Variants in FUBP3 observed in about 807,000 individuals in gnomAD.
FUBP3 encodes the protein far upstream element binding protein 3, also known as far upstream element-binding protein 3.
A neutral mutation model predicts 85.6 loss-of-function variants in FUBP3; 28 were observed. That is an observed-to-expected ratio of 0.33 (90% CI 0.24 to 0.45). The LOEUF (loss-of-function observed/expected upper bound fraction) is 0.45. FUBP3 is among the 20% of genes least tolerant of loss of function. FUBP3 has a pLI of 1.00. For synonymous variants in FUBP3, 271 were observed against 271.4 expected, an observed-to-expected ratio of 1.00 and a Z score of 0.01; for missense variants, 583 against 755.1, an observed-to-expected ratio of 0.77 and a Z score of 2.67.
chr9:130,619,047 C>T (rs768226683), intron 8 of FUBP3, among the ~76,000 whole-genome samples: 47 of 152,192 alleles, frequency 3.1e-4, no homozygotes, highest in Admixed American at 1.9e-3. Flanking sequence ...CGCCTTTCCC[C>T]ACCCTGCTCA....
intron 3 of FUBP3, among the ~76,000 whole-genome samples, chr9:130,610,243 AC>A (rs1831670825): frequency 6.6e-6 from 1 of 152,224 alleles, no homozygotes; most frequent in South Asian, 2.1e-4. Flanking sequence ...TGCTCTTTCT[AC>A]CAATGTACAT....
intron 2 of FUBP3, among the ~76,000 whole-genome samples, chr9:130,604,399 A>G (rs754618844): frequency 2.0e-5 from 3 of 152,332 alleles, no homozygotes; most frequent in South Asian, 2.1e-4. Context: ...CTCATGTGCC[A>G]TAATAGTATA....
At chr9:130,606,755 G>C (rs1831475349) in intron 2 of FUBP3, among the ~76,000 whole-genome samples, 1 of 152,128 alleles carries the variant, frequency 6.6e-6, no homozygotes, top group Non-Finnish European at 1.5e-5. Context: ...AGGAGGCAGA[G>C]GTTGTGGTAA....
intron 2 of FUBP3, among the ~76,000 whole-genome samples, chr9:130,606,429 G>T (rs977741961): frequency 6.6e-6 from 1 of 152,318 alleles, no homozygotes; most frequent in East Asian, 1.9e-4. Context: ...CTGGCCAGTG[G>T]TTCCGTGTGG....
intron 9 of FUBP3, among the ~76,000 whole-genome samples, chr9:130,621,761 C>T (rs868358749): frequency 2.7e-4 from 41 of 151,580 alleles, no homozygotes; most frequent in African/African-American, 8.5e-4. Context: ...AAAAATTAGC[C>T]GGGTGTGGTG....
At chr9:130,627,562 C>G (rs911660003) in intron 12 of FUBP3, among the ~76,000 whole-genome samples, 1 of 152,236 alleles carries the variant, frequency 6.6e-6, no homozygotes, top group Non-Finnish European at 1.5e-5. Context: ...TATGCTCTTG[C>G]AAAATGCAAG....
chr9:130,632,599 T>C (rs1040947856), intron 16 of FUBP3, among the ~76,000 whole-genome samples: 1 of 152,228 alleles, frequency 6.6e-6, no homozygotes, highest in Non-Finnish European at 1.5e-5. Context: ...GGGGATGGGT[T>C]GAGCCAGCTT....
intron 1 of FUBP3, among the ~76,000 whole-genome samples, chr9:130,588,046 A>G (rs757897235): frequency 1.3e-5 from 2 of 152,150 alleles, no homozygotes; most frequent in Non-Finnish European, 2.9e-5. Context: ...CCGGGGCCCC[A>G]TCTCTGATGA....
intron 2 of FUBP3, among the ~76,000 whole-genome samples, chr9:130,604,329 G>T (rs2119051538): frequency 6.6e-6 from 1 of 152,292 alleles, no homozygotes; most frequent in Admixed American, 6.5e-5. Flanking sequence ...TAAGTGGTTT[G>T]ACCAAGGCCA....
chr9:130,616,328 C>T lies in FUBP3; in HGVS notation c.405-27C>T. 1.2e-6 allele frequency: 2 copies of T among 1,612,274 alleles called. No individual in the cohort carries two copies. Among genetic ancestry groups the T allele is most frequent in the South Asian group, 2.2e-5 (2 of 91,000 alleles). On this transcript the variant is annotated intron_variant, in intron 6 of 18. Coordinates refer to ENST00000319725, the MANE Select transcript of FUBP3 (RefSeq NM_003934.2). This position sits in a 1 kb window ranked among gnomAD's most constrained non-coding sequence, Gnocchi z 4.7. The stretch of plus-strand genomic sequence containing the variant: ...TTAGAGCCTCCATTTAATGCTGGTT[C>T]TCTTGTGGTTCTTTTCCCTCCCAAA...
chr9:130,635,827 C>A lies in FUBP3; in HGVS notation c.1583-172C>A, dbSNP rs1035130614. The A allele has an allele frequency of 2.3e-5, 15 of 642,404 alleles. No individual in the cohort carries two copies. The Admixed American group carries it at 2.9e-4, about 12-fold the overall frequency. The allele number at this position is 642,404 out of a possible 1,614,324, so 39.8% of individuals were successfully genotyped here. A position where few individuals can be genotyped will look rare whatever the true frequency, so the allele number is the denominator to read the frequency against. The stretch of plus-strand genomic sequence containing the variant: ...CAGGGGCCGGGCAACAAGAGGCTAA[C>A]AGCACCTTTTGTAGCAAGCGCTCCT... On this transcript the variant is annotated intron_variant, in intron 17 of 18. Transcript: ENST00000319725. The surrounding 1 kb of genome is among the most constrained non-coding windows in gnomAD (Gnocchi z 4.3).
chr9:130,591,472 A>G (rs1830623248), intron 1 of FUBP3, among the ~76,000 whole-genome samples: 1 of 151,336 alleles, frequency 6.6e-6, no homozygotes, highest in Non-Finnish European at 1.5e-5. Context: ...CACGCATTAC[A>G]GTTTAATTCT....
chr9:130,632,003 C>G lies in FUBP3; in HGVS notation c.1414C>G (p.Pro472Ala). 1 of 1,611,960 alleles carries G rather than the reference C, an allele frequency of 6.2e-7. No individual in the cohort carries two copies. Among genetic ancestry groups the G allele is most frequent in the East Asian group, 2.2e-5 (1 of 44,894 alleles). The change falls in exon 15 of 19, where the codon CCC (proline) becomes GCC (alanine). Residue 472 changes from proline to alanine, a missense_variant. Around this residue, in one of 3 missense-constraint regions of FUBP3, gnomAD observed 404 missense variants for 516.8 expected, o/e 0.78. Coordinates refer to ENST00000319725, the MANE Select transcript of FUBP3 (RefSeq NM_003934.2). Reference sequence around the variant, plus strand: ...CATGGCTGCCAAGGTGAATGGGAACCCCCACAGCACCCCTGTGAGGTAGGT... The same window carrying G: ...CATGGCTGCCAAGGTGAATGGGAACGCCCACAGCACCCCTGTGAGGTAGGT... ...PNMAAKVNGN[P>A]HSTPVSGPPA...
intron 12 of FUBP3, among the ~76,000 whole-genome samples, chr9:130,627,379 C>G (rs555831588): frequency 1.3e-5 from 2 of 152,336 alleles, no homozygotes; most frequent in Middle Eastern, 3.4e-3. Flanking sequence ...CAGAGTTTCT[C>G]AAATTTCTTT....
intron 3 of FUBP3, among the ~76,000 whole-genome samples, chr9:130,611,758 A>AT (rs1340787622): frequency 2.7e-5 from 4 of 149,794 alleles, no homozygotes; most frequent in African/African-American, 9.9e-5. Flanking sequence ...AATACACTTT[A>AT]TGGCAGATTT....
intron 2 of FUBP3, among the ~76,000 whole-genome samples, chr9:130,602,965 G>T (rs1412520732): frequency 6.6e-6 from 1 of 152,092 alleles, no homozygotes; most frequent in East Asian, 1.9e-4. Context: ...GCGGTCACCT[G>T]GGGTGGAAAA....
chr9:130,606,176 C>G (rs9657746), intron 2 of FUBP3, among the ~76,000 whole-genome samples: 49,787 of 151,902 alleles, frequency 0.33, 8,528 homozygotes, highest in East Asian at 0.5. Context: ...TTGTAGTGTC[C>G]CTGGGGGAAA....
intron 3 of FUBP3, among the ~76,000 whole-genome samples, chr9:130,611,496 T>G (rs1276504715): frequency 6.6e-6 from 1 of 152,132 alleles, no homozygotes; most frequent in Non-Finnish European, 1.5e-5. Flanking sequence ...AGAAGACTGT[T>G]TGTTCCCATC....
chr9:130,611,258 C>T (rs369932949), intron 3 of FUBP3, among the ~76,000 whole-genome samples: 16 of 152,290 alleles, frequency 1.1e-4, no homozygotes, highest in Admixed American at 5.2e-4. Context: ...GCACAAGAGC[C>T]CTGTCATCCC....
Sources: gnomAD v4.1 joint callset for allele counts (sites outside exome capture counted in the v4.1 genomes callset) on GRCh38, gnomAD v4.1.1 for gene constraint, gnomAD v4.1.1 regional missense constraint, Gnocchi (gnomAD v3.1) non-coding constraint, MANE v1.5 for transcripts, NCBI Gene and HGNC (gene_info 2026-07-23, HGNC 2026-07-21) for gene names.